The following FRYL variants were observed in gnomAD, a reference collection of about 807,000 sequenced individuals.
The protein encoded by FRYL is protein furry homolog-like.
Under a neutral mutation model 351.2 loss-of-function variants are expected in FRYL, and 150 were observed. The ratio of observed to expected loss-of-function variants is 0.43; its 90% CI spans 0.37 to 0.49. FRYL has a LOEUF of 0.49. FRYL is among the 20% of genes least tolerant of loss of function. FRYL has a pLI of 0.00. For missense variants in FRYL, 3,036 were observed against 3,619.3 expected (o/e 0.84, Z 4.13); for synonymous variants, 1,153 against 1,257.1 (o/e 0.92, Z 1.75).
chr4:48,593,956 T>A lies in FRYL; in HGVS notation c.1309A>T (p.Thr437Ser). ...TCTGGATTAATGGTGAAAGTTTTAG[T>A]AGATTTTCCAACACTGAGAAGATCA... ...IFDLLSVGKS[T>S]KTFTINPERM... Residue 437 changes from threonine (T) to serine (S), a missense_variant, in exon 16 of 64, where the codon ACT (threonine) becomes TCT (serine). Around this residue, in one of 7 missense-constraint regions of FRYL, gnomAD observed 457 missense variants for 566.6 expected, o/e 0.81. Transcript: ENST00000358350. 1 of 1,457,954 alleles carries A rather than the reference T, an allele frequency of 6.9e-7. No homozygotes were observed. The highest frequency in any genetic ancestry group is 9.1e-7 in the Non-Finnish European group (1 of 1,097,460). 90.3% of individuals were successfully genotyped at this position (1,457,954 alleles called of 1,614,324 possible).
chr4:48,773,361 G>A (rs1249693883), intron 1 of FRYL, among the ~76,000 whole-genome samples: 3 of 152,106 alleles, frequency 2.0e-5, no homozygotes, highest in Non-Finnish European at 4.4e-5. Context: ...ATCAATCTAC[G>A]AAGCACTATT....
At chr4:48,715,552 A>C (rs1424310131) in intron 1 of FRYL, among the ~76,000 whole-genome samples, 1 of 151,608 alleles carries the variant, frequency 6.6e-6, no homozygotes, top group East Asian at 1.9e-4. Flanking sequence ...AATACCTAGG[A>C]ATCCAACTTA....
chr4:48,713,089 T>C (rs949046498), intron 1 of FRYL, among the ~76,000 whole-genome samples: 13 of 151,622 alleles, frequency 8.6e-5, no homozygotes, highest in African/African-American at 2.9e-4. Context: ...ACACTAAACA[T>C]GGAAAGGAAC....
chr4:48,711,523 C>G (rs1768035397), intron 1 of FRYL, among the ~76,000 whole-genome samples: 1 of 152,234 alleles, frequency 6.6e-6, no homozygotes, highest in African/African-American at 2.4e-5. Context: ...GGGGCGCCCA[C>G]CATTGCCCAG....
At chr4:48,719,321 T>C (rs1769208644) in intron 1 of FRYL, among the ~76,000 whole-genome samples, 1 of 151,630 alleles carries the variant, frequency 6.6e-6, no homozygotes, top group South Asian at 2.1e-4. Context: ...TTATTCCATG[T>C]GGAATGCCCT....
At chr4:48,668,708 A>G (rs1265547311) in intron 3 of FRYL, among the ~76,000 whole-genome samples, 1 of 152,272 alleles carries the variant, frequency 6.6e-6, no homozygotes, top group African/African-American at 2.4e-5. Flanking sequence ...CATGTTAAAT[A>G]GAATAATAAC....
At chr4:48,689,983 G>A (rs369629216) in intron 2 of FRYL, among the ~76,000 whole-genome samples, 13 of 145,984 alleles carry the variant, frequency 8.9e-5, no homozygotes, top group African/African-American at 3.0e-4. Context: ...TGCAAGCTCC[G>A]CCTCCCGGGT....
At chr4:48,576,661 G>C (rs1490096698) in intron 23 of FRYL, among the ~76,000 whole-genome samples, 1 of 152,070 alleles carries the variant, frequency 6.6e-6, no homozygotes, top group African/African-American at 2.4e-5. Flanking sequence ...TACTGTTTTT[G>C]TGGACTGATA....
chr4:48,522,454 G>A (rs1452673022), intron 54 of FRYL, among the ~76,000 whole-genome samples: 1 of 152,026 alleles, frequency 6.6e-6, no homozygotes, highest in Admixed American at 6.5e-5. Flanking sequence ...TCTTGCACCC[G>A]TACTCTTCTG....
At chr4:48,646,158 T>C (rs1012932333) in intron 3 of FRYL, 4 of 152,226 alleles carry the variant, frequency 2.6e-5, no homozygotes, top group Non-Finnish European at 4.4e-5. Context: ...TGGATATTAA[T>C]AATTCATTCC....
intron 56 of FRYL, among the ~76,000 whole-genome samples, chr4:48,514,516 AT>A (rs1432046560): frequency 2.0e-5 from 3 of 152,202 alleles, no homozygotes; most frequent in Admixed American, 6.5e-5. Flanking sequence ...CTGGTAATAA[AT>A]TTTTAATGTA....
chr4:48,724,357 T>G (rs1407851163), intron 1 of FRYL, among the ~76,000 whole-genome samples: 1 of 152,232 alleles, frequency 6.6e-6, no homozygotes, highest in African/African-American at 2.4e-5. Flanking sequence ...TGCTAACCCC[T>G]CTGCCTGGAA....
At chr4:48,713,993 A>T (rs1768439829) in intron 1 of FRYL, among the ~76,000 whole-genome samples, 1 of 151,944 alleles carries the variant, frequency 6.6e-6, no homozygotes, top group South Asian at 2.1e-4. Flanking sequence ...AACTACATGG[A>T]AACTGAACAA....
chr4:48,504,762 G>A (rs189531016), intron 60 of FRYL, among the ~76,000 whole-genome samples: 17 of 152,174 alleles, frequency 1.1e-4, no homozygotes, highest in East Asian at 1.9e-4. Context: ...ATAGAGGCTG[G>A]CAAATAGTTA....
chr4:48,768,676 G>A (rs758326056), intron 1 of FRYL, among the ~76,000 whole-genome samples: 11 of 151,974 alleles, frequency 7.2e-5, no homozygotes, highest in East Asian at 1.9e-4. Flanking sequence ...GGTGGCGGGC[G>A]CCTGTAATCC....
At chr4:48,773,135 T>C (rs1775685206) in intron 1 of FRYL, among the ~76,000 whole-genome samples, 1 of 152,150 alleles carries the variant, frequency 6.6e-6, no homozygotes, top group African/African-American at 2.4e-5. Context: ...GTAAACTGCA[T>C]CCTCCTACCT....
At chr4:48,562,692 T>C (rs1286030587) in intron 32 of FRYL, among the ~76,000 whole-genome samples, 197 bp downstream of exon 32, 1 of 152,192 alleles carries the variant, frequency 6.6e-6, no homozygotes, top group African/African-American at 2.4e-5. Context: ...TTAGGAATAG[T>C]CTGCATTACT....
intron 32 of FRYL, 113 bp downstream of exon 32, chr4:48,562,776 T>C: frequency 1.6e-6 from 1 of 644,302 alleles, no homozygotes; most frequent in Admixed American, 2.9e-5. Flanking sequence ...CATAACTTCT[T>C]TACTATAAAT....
At chr4:48,506,615 A>AATATATAT (rs55736457) in intron 59 of FRYL, 12 of 71,750 alleles carry the variant, frequency 1.7e-4, no homozygotes, top group Non-Finnish European at 2.4e-4. Context: ...CAATACAACT[A>AATATATAT]ATATATATAT....
Sources: allele counts gnomAD v4.1 joint callset (sites outside exome capture counted in the v4.1 genomes callset), GRCh38; gene constraint gnomAD v4.1.1; regional missense constraint gnomAD v4.1.1; transcripts MANE v1.5; gene names NCBI Gene and HGNC (gene_info 2026-07-23, HGNC 2026-07-21).